Variants in RBFOX1 observed in about 807,000 individuals in gnomAD.
RBFOX1 encodes the protein RNA binding fox-1 homolog 1.
RBFOX1 carries 8 observed loss-of-function variants against 57.7 expected under a neutral mutation model. That is an observed-to-expected ratio of 0.14 (90% CI 0.08 to 0.25). The LOEUF is 0.25. Ranked by LOEUF, RBFOX1 falls within the 10% of genes least tolerant of loss-of-function variation. The pLI is 1.00. For missense variants in RBFOX1, 611 were observed against 548.5 expected, an observed-to-expected ratio of 1.11 and a Z score of -1.14; for synonymous variants, 326 against 222.4, an observed-to-expected ratio of 1.47 and a Z score of -4.15.
At chr16:5,258,004 G>C (rs1271999672) in intron 1 of RBFOX1, among the ~76,000 whole-genome samples, 1 of 152,040 alleles carries the variant, frequency 6.6e-6, no homozygotes, top group Non-Finnish European at 1.5e-5. Flanking sequence ...TCAGCCTCCT[G>C]AGTAGCTGGG....
intron 3 of RBFOX1, among the ~76,000 whole-genome samples, chr16:6,789,002 C>T (rs937274880): frequency 3.3e-5 from 5 of 152,140 alleles, no homozygotes; most frequent in Non-Finnish European, 2.9e-5. Flanking sequence ...TGAAAAGTCA[C>T]TTCTGGATGG....
chr16:6,950,839 T>C lies in RBFOX1; in HGVS notation c.-15-101218T>C, dbSNP rs535320156. 6.5e-4 allele frequency among the ~76,000 whole-genome samples: 99 copies of C among 152,276 alleles called. 4 individuals carry two copies. The South Asian group carries it at 0.02, about 30-fold the overall frequency. Reference sequence around the variant, plus strand: ...GACTACATTTCCTTCCTCAGCTCTTTCTTTTTTCTTTCTTTCTCTGTTTTT... The same window carrying C: ...GACTACATTTCCTTCCTCAGCTCTTCCTTTTTTCTTTCTTTCTCTGTTTTT... On this transcript the variant is annotated intron_variant, in intron 3 of 15. Coordinates refer to ENST00000550418, the MANE Select transcript of RBFOX1 (RefSeq NM_018723.4).
At chr16:5,299,952 G>A (rs2063763093) in intron 1 of RBFOX1, among the ~76,000 whole-genome samples, 1 of 151,548 alleles carries the variant, frequency 6.6e-6, no homozygotes, top group African/African-American at 2.4e-5. Flanking sequence ...ATCACATTGA[G>A]GATGTTTCCT....
At chr16:5,660,047 C>T (rs981198503) in intron 3 of RBFOX1, among the ~76,000 whole-genome samples, 3 of 151,858 alleles carry the variant, frequency 2.0e-5, no homozygotes, top group East Asian at 1.9e-4. Context: ...GAGAGGGGAC[C>T]CATAGGCTTT....
chr16:6,512,158 C>T (rs1171559575), intron 2 of RBFOX1, among the ~76,000 whole-genome samples: 1 of 151,052 alleles, frequency 6.6e-6, no homozygotes, highest in East Asian at 1.9e-4. Flanking sequence ...ATGGTGCATG[C>T]CTGTGGTCCC....
At chr16:7,613,091 G>C (rs1282822983) in intron 10 of RBFOX1, among the ~76,000 whole-genome samples, 1 of 152,128 alleles carries the variant, frequency 6.6e-6, no homozygotes, top group East Asian at 1.9e-4. Flanking sequence ...CCAGAGATGA[G>C]ATACATACAA....
chr16:5,789,873 A>G (rs1348963179), intron 3 of RBFOX1, among the ~76,000 whole-genome samples: 1 of 152,214 alleles, frequency 6.6e-6, no homozygotes, highest in Non-Finnish European at 1.5e-5. Flanking sequence ...ATAGACTTGG[A>G]TAAGAGATAA....
chr16:5,811,570 C>T (rs1009880353), intron 3 of RBFOX1, among the ~76,000 whole-genome samples: 3 of 152,048 alleles, frequency 2.0e-5, no homozygotes, highest in African/African-American at 7.2e-5. Context: ...CCTGCCTCAG[C>T]CTCCTGAGTA....
intron 3 of RBFOX1, among the ~76,000 whole-genome samples, chr16:6,908,088 C>G (rs1053295678): frequency 3.3e-5 from 5 of 151,774 alleles, no homozygotes; most frequent in African/African-American, 4.8e-5. Context: ...CCAATAAGGT[C>G]ACATTCACAG....
intron 2 of RBFOX1, among the ~76,000 whole-genome samples, chr16:6,544,962 T>C (rs2153836869): frequency 6.6e-6 from 1 of 152,336 alleles, no homozygotes; most frequent in Admixed American, 6.5e-5. Context: ...AGGCAAAGGG[T>C]GATTAAGCAT....
At chr16:5,893,601 G>A (rs1273255988) in intron 4 of RBFOX1, among the ~76,000 whole-genome samples, 2 of 152,140 alleles carry the variant, frequency 1.3e-5, no homozygotes, top group Non-Finnish European at 2.9e-5. Flanking sequence ...GAGGTCAGGG[G>A]TTCGAGACCA....
At chr16:5,831,387 G>A (rs182477988) in intron 3 of RBFOX1, among the ~76,000 whole-genome samples, 1 of 152,092 alleles carries the variant, frequency 6.6e-6, no homozygotes, top group Non-Finnish European at 1.5e-5. Context: ...TCCACCTTGA[G>A]TAAAAGCTCC....
chr16:5,288,337 G>T (rs903590445), intron 1 of RBFOX1, among the ~76,000 whole-genome samples: 1 of 152,170 alleles, frequency 6.6e-6, no homozygotes, highest in African/African-American at 2.4e-5. Context: ...GTGAGCTTAT[G>T]AGCTGTGTCT....
At chr16:6,801,275 T>A (rs1253729464) in intron 3 of RBFOX1, among the ~76,000 whole-genome samples, 1 of 151,700 alleles carries the variant, frequency 6.6e-6, no homozygotes, top group Non-Finnish European at 1.5e-5. Flanking sequence ...AGTGTGATGA[T>A]GATTTTGTCC....
chr16:5,634,038 G>C (rs2048605069), intron 3 of RBFOX1, among the ~76,000 whole-genome samples: 1 of 152,118 alleles, frequency 6.6e-6, no homozygotes, highest in African/African-American at 2.4e-5. Context: ...CTGCCATCTA[G>C]AGGACACAGA....
At chr16:7,172,897 A>T (rs771356756) in intron 4 of RBFOX1, among the ~76,000 whole-genome samples, 1 of 152,190 alleles carries the variant, frequency 6.6e-6, no homozygotes, top group South Asian at 2.1e-4. Context: ...CTGCCATGAG[A>T]TTCCCAAGGA....
intron 4 of RBFOX1, among the ~76,000 whole-genome samples, chr16:7,472,250 G>C (rs954644249): frequency 1.3e-5 from 2 of 151,778 alleles, no homozygotes; most frequent in African/African-American, 4.9e-5. Flanking sequence ...AGGATAAAAG[G>C]TGGCTAGGGC....
Position 5,844,396 on chromosome 16 carries a change from A to G in RBFOX1, c.319-22907A>G, listed in dbSNP as rs554433588. Among the ~76,000 whole-genome samples, 9 of 152,334 alleles carry G rather than the reference A, an allele frequency of 5.9e-5. No individual in the cohort carries two copies. In the East Asian group the frequency reaches 1.7e-3, roughly 29 times the overall value. On this transcript the variant is annotated intron_variant, in intron 3 of 19. Coordinates refer to the RBFOX1 transcript ENST00000641259. The stretch of plus-strand genomic sequence containing the variant: ...ATAAAGTCTCCCATCCCACAAGGGT[A>G]AAGAATGGTCCCCAAAGTAATTGGC...
chr16:5,687,509 G>A (rs1276194234), intron 3 of RBFOX1, among the ~76,000 whole-genome samples: 3 of 152,150 alleles, frequency 2.0e-5, no homozygotes, highest in Non-Finnish European at 4.4e-5. Flanking sequence ...AGCTATGTTC[G>A]AATGCTTTGA....
Sources: allele counts gnomAD v4.1 joint callset (sites outside exome capture counted in the v4.1 genomes callset), GRCh38; gene constraint gnomAD v4.1.1; transcripts MANE v1.5; gene names NCBI Gene and HGNC (gene_info 2026-07-23, HGNC 2026-07-21).